The following SLFN12L variants were observed in gnomAD, a reference collection of about 807,000 sequenced individuals.
SLFN12L encodes schlafen family member 12-like.
Under a neutral mutation model 34.8 loss-of-function variants are expected in SLFN12L, and 34 were observed. The observed-to-expected ratio is 0.98, with a 90% confidence interval of 0.74 to 1.30. SLFN12L has a LOEUF of 1.30. SLFN12L is among the 50% of genes most tolerant of loss of function. The probability of loss-of-function intolerance (pLI) is 0.00; values close to 1 mark genes in which losing one functional copy is unlikely to be tolerated. For missense variants in SLFN12L, 703 were observed against 696.2 expected, an observed-to-expected ratio of 1.01 and a Z score of -0.11; for synonymous variants, 259 against 247.5, an observed-to-expected ratio of 1.05 and a Z score of -0.44.
intron 2 of SLFN12L, chr17:35,487,670 C>T (rs1914643491): frequency 1.3e-6 from 2 of 1,508,036 alleles, no homozygotes; most frequent in Non-Finnish European, 1.8e-6. Flanking sequence ...TTCGTCTGTA[C>T]CTATTTGTAT....
At chr17:35,490,482 C>A in intron 2 of SLFN12L, 1 of 964,892 alleles carries the variant, frequency 1.0e-6, no homozygotes, top group Non-Finnish European at 1.7e-6. Context: ...TTTATGATAT[C>A]ACCAAAGCTC....
At chr17:35,477,069 T>C (rs568028125) in intron 4 of SLFN12L, among the ~76,000 whole-genome samples, 1 of 152,282 alleles carries the variant, frequency 6.6e-6, no homozygotes. Flanking sequence ...TCTTACAGGC[T>C]CAGAAAATTG....
At chr17:35,535,907 C>T (rs187982870) in intron 1 of SLFN12L, among the ~76,000 whole-genome samples, 4 of 152,302 alleles carry the variant, frequency 2.6e-5, no homozygotes, top group South Asian at 2.1e-4. Context: ...CCACCTTCCT[C>T]GGCCTCCCAA....
intron 2 of SLFN12L, among the ~76,000 whole-genome samples, chr17:35,508,318 C>T (rs1276550179): frequency 6.6e-6 from 1 of 152,216 alleles, no homozygotes; most frequent in Non-Finnish European, 1.5e-5. Context: ...GCTCTTCCTT[C>T]TACAACTCGG....
At chr17:35,519,554 A>G (rs147185878) in intron 2 of SLFN12L, among the ~76,000 whole-genome samples, 17 of 152,350 alleles carry the variant, frequency 1.1e-4, no homozygotes, top group African/African-American at 3.8e-4. Flanking sequence ...TAACTTATGT[A>G]TAATAGCTAC....
intron 1 of SLFN12L, among the ~76,000 whole-genome samples, chr17:35,529,602 C>T (rs964860503): frequency 6.6e-6 from 1 of 151,934 alleles, no homozygotes; most frequent in African/African-American, 2.4e-5. Context: ...GAACAGAAAA[C>T]CAAATACCAC....
chr17:35,490,023 C>G (rs1180451088), intron 2 of SLFN12L: 2 of 1,599,402 alleles, frequency 1.3e-6, no homozygotes, highest in East Asian at 2.2e-5. Context: ...ATCCTCACCA[C>G]GAACACTTCC....
intron 2 of SLFN12L, chr17:35,489,879 C>A: frequency 1.3e-6 from 1 of 790,982 alleles, no homozygotes; most frequent in Non-Finnish European, 2.0e-6. Context: ...GAACACCAAC[C>A]TTGTGGAATA....
intron 2 of SLFN12L, chr17:35,500,047 A>G (rs925972817): frequency 1.3e-5 from 2 of 152,322 alleles, no homozygotes; most frequent in African/African-American, 4.8e-5. Context: ...TCTTTATACG[A>G]TGTTAAAAAC....
At chr17:35,514,485 G>C (rs1915751097) in intron 2 of SLFN12L, among the ~76,000 whole-genome samples, 1 of 147,268 alleles carries the variant, frequency 6.8e-6, no homozygotes, top group African/African-American at 2.4e-5. Context: ...ACATAAGCAA[G>C]GCCATATGCA....
intron 2 of SLFN12L, among the ~76,000 whole-genome samples, chr17:35,509,855 G>T (rs889423431): frequency 6.6e-6 from 1 of 151,910 alleles, no homozygotes; most frequent in Admixed American, 6.6e-5. Context: ...CTGCCACCAC[G>T]CCTGGCTAAT....
intron 2 of SLFN12L, among the ~76,000 whole-genome samples, chr17:35,491,471 A>G (rs191827146): frequency 2.6e-5 from 4 of 152,254 alleles, no homozygotes; most frequent in African/African-American, 9.6e-5. Flanking sequence ...GCTTTGCTAC[A>G]GGCTCCAAGA....
intron 2 of SLFN12L, chr17:35,499,118 A>G: frequency 1.2e-6 from 1 of 855,336 alleles, no homozygotes; most frequent in Non-Finnish European, 1.9e-6. Context: ...AGTTAAAATC[A>G]GAGTCCTGTC....
chr17:35,471,658 TAATAAAAG>T lies in SLFN12L; in HGVS notation c.*3257_*3264del, dbSNP rs1913811011. 4.6e-5 allele frequency among the ~76,000 whole-genome samples: 1 copy of T among 21,930 alleles called. No individual in the cohort carries two copies. The highest frequency in any genetic ancestry group is 8.4e-5 in the Non-Finnish European group (1 of 11,846). The allele number at this position is 21,930 out of a possible 152,430, so 14.4% of individuals were successfully genotyped here. A position where few individuals can be genotyped will look rare whatever the true frequency, so the allele number is the denominator to read the frequency against. ...GGAGACTTTTTAATAATCTTTCTTT[TAATAAAAG>T]ATTATTTAAAAGTTTTAAATATTCT... On this transcript the variant is annotated 3_prime_UTR_variant, in exon 5 of 5. Coordinates refer to ENST00000628453, the MANE Select transcript of SLFN12L (RefSeq NM_001363830.2).
At chr17:35,500,835 A>G (rs1198669737) in intron 2 of SLFN12L, among the ~76,000 whole-genome samples, 1 of 152,056 alleles carries the variant, frequency 6.6e-6, no homozygotes, top group Admixed American at 6.6e-5. Flanking sequence ...GTTGTGCTCC[A>G]TTCTGATTAC....
In SLFN12L at chr17:35,471,726, C is replaced by A. The variant is rs2142120435; in HGVS notation, c.*3197G>T. Among the ~76,000 whole-genome samples the A allele has an allele frequency of 7.0e-6, 1 of 143,310 alleles. No individual in the cohort carries two copies. Among genetic ancestry groups the A allele is most frequent in the East Asian group, 2.0e-4 (1 of 4,976 alleles). The allele number at this position is 143,310 out of a possible 152,430, so 94.0% of individuals were successfully genotyped here. A position where few individuals can be genotyped will look rare whatever the true frequency, so the allele number is the denominator to read the frequency against. On this transcript the variant is annotated 3_prime_UTR_variant, in exon 5 of 5. Coordinates refer to ENST00000628453, the MANE Select transcript of SLFN12L (RefSeq NM_001363830.2). ...AGATTATTTAAAAGTTTTAAATAAT[C>A]TTTTATCTTGACTTTTCAATAATCA...
chr17:35,502,640 G>T lies in SLFN12L; in HGVS notation c.86+19639C>A, dbSNP rs149561961. Among the ~76,000 whole-genome samples, 507 of 151,456 alleles carry T rather than the reference G, an allele frequency of 3.3e-3. 2 individuals are homozygous for T. The highest frequency in any genetic ancestry group is 0.012 in the African/African-American group (494 of 41,406). On this transcript the variant is annotated intron_variant, in intron 2 of 4. Coordinates refer to ENST00000628453, the MANE Select transcript of SLFN12L (RefSeq NM_001363830.2). ...TCTATACCAATTCTAAGTTAGTTTGGACTAAACAAGGTCTTATTAATAGCA... is the reference window on the plus strand; with the variant it reads ...TCTATACCAATTCTAAGTTAGTTTGTACTAAACAAGGTCTTATTAATAGCA...
intron 1 of SLFN12L, among the ~76,000 whole-genome samples, chr17:35,529,093 A>G (rs1041596692): frequency 6.6e-6 from 1 of 152,248 alleles, no homozygotes; most frequent in Non-Finnish European, 1.5e-5. Context: ...CATATGAAAA[A>G]AAGCTCATCA....
intron 2 of SLFN12L, among the ~76,000 whole-genome samples, chr17:35,510,797 C>T (rs1471602763): frequency 1.3e-5 from 2 of 150,010 alleles, no homozygotes; most frequent in Non-Finnish European, 3.0e-5. Flanking sequence ...ATAAAATTTT[C>T]TCTGTTAATT....
Sources: allele counts gnomAD v4.1 joint callset (sites outside exome capture counted in the v4.1 genomes callset), GRCh38; gene constraint gnomAD v4.1.1; transcripts MANE v1.5; gene names NCBI Gene and HGNC (gene_info 2026-07-23, HGNC 2026-07-21).